CNTNAP5: variants seen among roughly 807,000 people sequenced by gnomAD.
CNTNAP5 encodes the protein contactin associated protein family member 5, also known as contactin-associated protein-like 5.
Under a neutral mutation model 150.2 loss-of-function variants are expected in CNTNAP5, and 72 were observed. The ratio of observed to expected loss-of-function variants is 0.48; its 90% CI spans 0.40 to 0.58. The LOEUF is 0.58. Among genes scored for constraint, CNTNAP5 ranks in the 20% least tolerant of loss-of-function variants. The pLI is 0.00. For missense variants in CNTNAP5, 1,636 were observed against 1,626.2 expected (o/e 1.01, Z -0.10); for synonymous variants, 672 against 619.8 (o/e 1.08, Z -1.25).
In CNTNAP5 at chr2:124,544,787, C is replaced by A. The variant is rs370036932; in HGVS notation, c.1649+17331C>A. ...TATCCATAAGTTCAGCAGCGGACTG[C>A]ACCAGAGGTTAAGTATAAAGATTGG... is the stretch of plus-strand genomic sequence containing the variant. On this transcript the variant is annotated intron_variant, in intron 10 of 23. Coordinates refer to ENST00000682447, the MANE Select transcript of CNTNAP5 (RefSeq NM_001367498.1). Among the ~76,000 whole-genome samples the A allele has an allele frequency of 3.5e-4, 54 of 152,242 alleles. No individual in the cohort carries two copies. In the South Asian group the frequency reaches 0.011, roughly 30 times the overall value.
At chr2:124,257,355 G>A (rs989777337) in intron 3 of CNTNAP5, among the ~76,000 whole-genome samples, 1 of 152,158 alleles carries the variant, frequency 6.6e-6, no homozygotes, top group Non-Finnish European at 1.5e-5. Flanking sequence ...ACAGCAGCCT[G>A]CACACAATAA....
At chr2:124,435,716 A>G (rs1331470196) in intron 5 of CNTNAP5, among the ~76,000 whole-genome samples, 1 of 152,216 alleles carries the variant, frequency 6.6e-6, no homozygotes, top group Non-Finnish European at 1.5e-5. Flanking sequence ...AATACATTTT[A>G]GCAATTAGCT....
chr2:124,658,891 C>A (rs1678515505), intron 13 of CNTNAP5, among the ~76,000 whole-genome samples: 1 of 152,156 alleles, frequency 6.6e-6, no homozygotes, highest in South Asian at 2.1e-4. Flanking sequence ...TTTCAGGGGG[C>A]CATGGCTAGA....
chr2:124,279,141 A>G (rs1402236724), intron 3 of CNTNAP5, among the ~76,000 whole-genome samples: 2 of 151,990 alleles, frequency 1.3e-5, no homozygotes, highest in African/African-American at 4.8e-5. Context: ...GAGCATGACT[A>G]TACTGACTTT....
intron 20 of CNTNAP5, among the ~76,000 whole-genome samples, chr2:124,866,107 A>G (rs576209546): frequency 1.1e-4 from 17 of 152,068 alleles, no homozygotes; most frequent in African/African-American, 4.1e-4. Flanking sequence ...ACTAAAAAAT[A>G]CAAAAATTAG....
chr2:124,373,758 A>G (rs930865276), intron 3 of CNTNAP5, among the ~76,000 whole-genome samples: 8 of 152,090 alleles, frequency 5.3e-5, no homozygotes, highest in Admixed American at 3.9e-4. Flanking sequence ...AAATGTACAC[A>G]AAAATTTCTG....
At chr2:124,633,760 A>T (rs1677913777) in intron 12 of CNTNAP5, among the ~76,000 whole-genome samples, 1 of 152,206 alleles carries the variant, frequency 6.6e-6, no homozygotes, top group Non-Finnish European at 1.5e-5. Flanking sequence ...GGCTTTCCAA[A>T]TAATTTTTGA....
intron 13 of CNTNAP5, among the ~76,000 whole-genome samples, chr2:124,706,847 G>GAGGAGGAGA (rs1679663680): frequency 8.8e-6 from 1 of 113,604 alleles, no homozygotes; most frequent in South Asian, 3.0e-4. Context: ...GGGGAGGAAG[G>GAGGAGGAGA]AGGAGGAGGA....
At chr2:124,125,807 A>G (rs1321859761) in intron 1 of CNTNAP5, among the ~76,000 whole-genome samples, 1 of 152,242 alleles carries the variant, frequency 6.6e-6, no homozygotes, top group Non-Finnish European at 1.5e-5. Flanking sequence ...ATTCTCCTGA[A>G]TGACTACTGG....
chr2:124,865,322 C>CTATCACCTAAACAAGGAAGAAACCCATG lies in CNTNAP5; in HGVS notation c.3238_3265dup (p.Phe1089SerfsTer13). 1 of 1,563,562 alleles carries CTATCACCTAAACAAGGAAGAAACCCATG rather than the reference C, an allele frequency of 6.4e-7. No individual in the cohort carries two copies. The highest frequency in any genetic ancestry group is 8.7e-7 in the Non-Finnish European group (1 of 1,152,510). ...TCTTTCAAGGAAGCTTACAGGTTCG[C>CTATCACCTAAACAAGGAAGAAACCCATG]TATCACCTAAACAAGGAAGAAACCC... is the stretch of plus-strand genomic sequence containing the variant. On this transcript the variant is annotated frameshift_variant, in exon 20 of 24. Transcript: ENST00000682447. LOFTEE classifies it high-confidence loss of function.
At chr2:124,694,808 C>G (rs1280850364) in intron 13 of CNTNAP5, among the ~76,000 whole-genome samples, 1 of 152,226 alleles carries the variant, frequency 6.6e-6, no homozygotes, top group African/African-American at 2.4e-5. Context: ...AGTCAACCTA[C>G]AGTTAACAAT....
intron 7 of CNTNAP5, among the ~76,000 whole-genome samples, chr2:124,485,631 A>AAAAAAAAAAAAAAAG (rs1457112306): frequency 6.0e-5 from 8 of 134,202 alleles, no homozygotes; most frequent in East Asian, 2.3e-4. Context: ...AAAAAAAAAA[A>AAAAAAAAAAAAAAAG]AAAGAAGAAG....
At chr2:124,867,004 C>T (rs943672418) in intron 20 of CNTNAP5, among the ~76,000 whole-genome samples, 2 of 152,074 alleles carry the variant, frequency 1.3e-5, no homozygotes, top group East Asian at 3.9e-4. Flanking sequence ...TGTGTGTTTG[C>T]ACTCTCTCTC....
chr2:124,498,143 T>G (rs1355349358), intron 7 of CNTNAP5, among the ~76,000 whole-genome samples: 1 of 152,194 alleles, frequency 6.6e-6, no homozygotes, highest in Non-Finnish European at 1.5e-5. Flanking sequence ...GGCACACTTC[T>G]GGTTTAGTGG....
intron 11 of CNTNAP5, among the ~76,000 whole-genome samples, chr2:124,565,711 T>C (rs1306035205): frequency 6.7e-6 from 1 of 149,504 alleles, no homozygotes; most frequent in Non-Finnish European, 1.5e-5. Flanking sequence ...GCCATTCTCC[T>C]GCCTCAGCCT....
intron 19 of CNTNAP5, among the ~76,000 whole-genome samples, chr2:124,833,876 G>A (rs552799894): frequency 6.6e-6 from 1 of 151,996 alleles, no homozygotes; most frequent in South Asian, 2.1e-4. Flanking sequence ...TGTGGTGGGG[G>A]GCATGTGCCC....
chr2:124,695,262 C>A (rs1461164300), intron 13 of CNTNAP5, among the ~76,000 whole-genome samples: 2 of 152,104 alleles, frequency 1.3e-5, no homozygotes, highest in Non-Finnish European at 2.9e-5. Flanking sequence ...ACAGCACTTG[C>A]AGTTACAATA....
At chr2:124,839,542 C>G (rs543394871) in intron 19 of CNTNAP5, among the ~76,000 whole-genome samples, 4 of 152,102 alleles carry the variant, frequency 2.6e-5, no homozygotes, top group South Asian at 2.1e-4. Flanking sequence ...AGCCCTCCAG[C>G]CTTTTAGATG....
At chr2:124,097,495 C>T (rs1030890712) in intron 1 of CNTNAP5, among the ~76,000 whole-genome samples, 1 of 152,184 alleles carries the variant, frequency 6.6e-6, no homozygotes, top group South Asian at 2.1e-4. Context: ...TTTCCTCTCC[C>T]ATTCCCCTCG....
Sources: allele counts gnomAD v4.1 joint callset (sites outside exome capture counted in the v4.1 genomes callset), GRCh38; gene constraint gnomAD v4.1.1; transcripts MANE v1.5; gene names NCBI Gene and HGNC (gene_info 2026-07-23, HGNC 2026-07-21).